DCHS1: variants seen among roughly 807,000 people sequenced by gnomAD.
The protein encoded by DCHS1 is protocadherin-16.
In DCHS1, 78 loss-of-function variants were observed where a neutral mutation model predicts 213.9. The ratio of observed to expected loss-of-function variants is 0.36; its 90% CI spans 0.30 to 0.44. DCHS1 has a LOEUF of 0.44. Among genes scored for constraint, DCHS1 ranks in the 20% least tolerant of loss-of-function variants. DCHS1 has a pLI of 1.00. For missense variants in DCHS1, 3,946 were observed against 4,395.9 expected (o/e 0.90, Z 2.89); for synonymous variants, 1,828 against 1,873.7 (o/e 0.98, Z 0.63).
At chr11:6,637,310 C>T (rs776442648) in intron 2 of DCHS1, among the ~76,000 whole-genome samples, 1 of 152,160 alleles carries the variant, frequency 6.6e-6, no homozygotes, top group African/African-American at 2.4e-5. Flanking sequence ...CATTCTCAGC[C>T]TCTACCCACT....
chr11:6,650,912 AG>A (rs1386072048), intron 1 of DCHS1, among the ~76,000 whole-genome samples: 5 of 152,212 alleles, frequency 3.3e-5, no homozygotes, highest in Non-Finnish European at 7.3e-5. Flanking sequence ...ATTGTAGGTG[AG>A]GGGAGTGGAA....
intron 1 of DCHS1, among the ~76,000 whole-genome samples, chr11:6,654,512 T>A (rs1489322871): frequency 1.3e-5 from 2 of 152,116 alleles, no homozygotes; most frequent in Non-Finnish European, 2.9e-5. Context: ...AATGAACCGG[T>A]GGGAGTATGT....
At position 6,623,888 on chromosome 11, in the gene DCHS1, A is replaced by G. The variant is rs1164302612; in HGVS notation, c.7788T>C (p.Asn2596=). 1.9e-6 allele frequency: 3 copies of G among 1,610,702 alleles called. No individual in the cohort carries two copies. Among genetic ancestry groups the G allele is most frequent in the Admixed American group, 1.7e-5 (1 of 59,900 alleles). ...CTCGGGTAAAGACAGGTGGGTTGTC[A>G]TTGACATCTAGTACAGTGACAGTGA... ...VPVTVTVLDV[N]DNPPVFTRAS... The change falls in exon 21 of 21, where the codon AAT becomes AAC. Residue 2596 remains asparagine, a synonymous_variant. Coordinates refer to ENST00000299441, the MANE Select transcript of DCHS1 (RefSeq NM_003737.4).
intron 1 of DCHS1, among the ~76,000 whole-genome samples, chr11:6,654,576 G>A (rs2134665835): frequency 6.6e-6 from 1 of 152,198 alleles, no homozygotes; most frequent in South Asian, 2.1e-4. Flanking sequence ...ATTTTCCGTA[G>A]GTGTGTGTTG....
At chr11:6,647,755 T>A (rs532195703) in intron 1 of DCHS1, among the ~76,000 whole-genome samples, 1 of 152,116 alleles carries the variant, frequency 6.6e-6, no homozygotes, top group African/African-American at 2.4e-5. Context: ...TGCCTGAGAT[T>A]CAGGGAGGAG....
chr11:6,641,293 C>T lies in DCHS1; in HGVS notation c.321G>A (p.Leu107=). The change falls in exon 2 of 21, where the codon TTG becomes TTA. Residue 107 remains leucine (L), a synonymous_variant. Transcript: ENST00000299441. This position sits in a 1 kb window ranked among gnomAD's most constrained non-coding sequence, Gnocchi z 7.1. The part of the protein sequence containing the change: ...HSGVVRTARV[L]DREQRDRYRF... The stretch of plus-strand genomic sequence containing the variant: ...GGTAGCGGTCCCGCTGCTCACGGTC[C>T]AAGACACGGGCTGTACGGACGACCC... 1.2e-6 allele frequency: 2 copies of T among 1,613,724 alleles called. No homozygotes were observed. The highest frequency in any genetic ancestry group is 1.7e-6 in the Non-Finnish European group (2 of 1,179,886).
rs746198234 is a variant in DCHS1 at position 6,623,023 on chromosome 11, C to G, written c.8653G>C (p.Gly2885Arg). 1.3e-6 allele frequency: 2 copies of G among 1,574,032 alleles called. No homozygotes were observed. The highest frequency in any genetic ancestry group is 2.4e-5 in the East Asian group (1 of 42,286). ...RAPGSGTATS[G>R]GGGRTRREAP... ...TCCCGCCGGGTCCGGCCCCCACCCC[C>G]AGAGGTGGCTGTTCCGCTGCCTGGT... is the stretch of plus-strand genomic sequence containing the variant. The change falls in exon 21 of 21, where the codon GGG (glycine) becomes CGG (arginine). Residue 2885 changes from glycine (G) to arginine (R), a missense_variant. Gly to Arg is a moderately radical substitution (Grantham distance 125). This residue lies in a region of DCHS1 where 554 missense variants were observed against 590.2 expected (regional missense o/e 0.94). Coordinates refer to ENST00000299441, the MANE Select transcript of DCHS1 (RefSeq NM_003737.4).
Position 6,625,499 on chromosome 11 carries a change from A to G in DCHS1, c.6863-18T>C. 2 of 1,606,784 alleles carry G rather than the reference A, an allele frequency of 1.2e-6. No individual in the cohort carries two copies. The highest frequency in any genetic ancestry group is 1.7e-6 in the Non-Finnish European group (2 of 1,177,690). On this transcript the variant is annotated intron_variant, in intron 18 of 20. Coordinates refer to ENST00000299441, the MANE Select transcript of DCHS1 (RefSeq NM_003737.4). The surrounding 1 kb of genome is among the most constrained non-coding windows in gnomAD (Gnocchi z 5.3). ...TAACGCATCTGGAATACATGAGACTAGTGTGTTTGGCAATGGACACAGCCC... is the reference window on the plus strand; with the variant it reads ...TAACGCATCTGGAATACATGAGACTGGTGTGTTTGGCAATGGACACAGCCC...
At position 6,627,734 on chromosome 11, in the gene DCHS1, C is replaced by T. The variant is rs1589954778; in HGVS notation, c.5372-67G>A. 2.0e-6 allele frequency: 3 copies of T among 1,518,636 alleles called. No individual in the cohort carries two copies. Among genetic ancestry groups the T allele is most frequent in the African/African-American group, 2.8e-5 (2 of 72,502 alleles). 94.1% of individuals were successfully genotyped at this position (1,518,636 alleles called of 1,614,324 possible). The stretch of plus-strand genomic sequence containing the variant: ...GGGGATGGGGGTGATTTACAGACAA[C>T]AGGAGAGAGTGAGCATGTGCACAAA... On this transcript the variant is annotated intron_variant, in intron 13 of 20. Transcript: ENST00000299441. This position sits in a 1 kb window ranked among gnomAD's most constrained non-coding sequence, Gnocchi z 5.4.
rs1856306713 is a variant in DCHS1, at chr11:6,655,712, C to A, written c.-270G>T. 3 of 980,738 alleles carry A rather than the reference C, an allele frequency of 3.1e-6. No individual in the cohort carries two copies. The highest frequency in any genetic ancestry group is 3.6e-6 in the Non-Finnish European group (3 of 828,018). The allele number at this position is 980,738 out of a possible 1,614,324, so 60.8% of individuals were successfully genotyped here. A position where few individuals can be genotyped will look rare whatever the true frequency, so the allele number is the denominator to read the frequency against. On this transcript the variant is annotated 5_prime_UTR_variant, in exon 1 of 21. Transcript: ENST00000299441. ...GCCCGCGATCCCCTCCGGGCAGCCG[C>A]CGTCGGTCCGCGCGCCCTTGGCCGT...
rs762334584 is a variant in DCHS1 at position 6,640,177 on chromosome 11, AGGTCG to A, written c.1432_1436del (p.Arg478Ter). On this transcript the variant is annotated frameshift_variant, in exon 2 of 21. Coordinates refer to ENST00000299441, the MANE Select transcript of DCHS1 (RefSeq NM_003737.4). LOFTEE classifies it high-confidence loss of function. This position sits in a 1 kb window ranked among gnomAD's most constrained non-coding sequence, Gnocchi z 6.5. ...GCAGCGCAACCTCAGGCAGGGGCTC[AGGTCG>A]GTAGAGCTGGCGGTCAAAGGCAGGT... 1 of 1,613,776 alleles carries A rather than the reference AGGTCG, an allele frequency of 6.2e-7. No homozygotes were observed. The highest frequency in any genetic ancestry group is 8.5e-7 in the Non-Finnish European group (1 of 1,179,792).
Position 6,630,437 on chromosome 11 carries a change from C to G in DCHS1, c.4357G>C (p.Ala1453Pro). Residue 1453 changes from alanine to proline, a missense_variant, in exon 10 of 21, where the codon GCA becomes CCA. Transcript: ENST00000299441. ...LALPENPEPG[A>P]ALYTFRASDA... ...GACGCGCGGAAAGTGTACAGCGCTG[C>G]GCCGGGCTCCGGGTTCTCTGGCAGC... 6.7e-7 allele frequency: 1 copy of G among 1,503,556 alleles called. No homozygotes were observed. Among genetic ancestry groups the G allele is most frequent in the South Asian group, 1.2e-5 (1 of 82,642 alleles). 93.1% of individuals were successfully genotyped at this position (1,503,556 alleles called of 1,614,324 possible). A position where few individuals can be genotyped will look rare whatever the true frequency, so the allele number is the denominator to read the frequency against.
At chr11:6,645,013 A>T (rs1405907246) in intron 1 of DCHS1, among the ~76,000 whole-genome samples, 1 of 152,212 alleles carries the variant, frequency 6.6e-6, no homozygotes, top group African/African-American at 2.4e-5. Flanking sequence ...ACTGGGTTTG[A>T]GCCCCAGGCT....
rs184586428 is a variant in DCHS1 at position 6,630,722 on chromosome 11, C to T, written c.4072G>A (p.Glu1358Lys). The T allele has an allele frequency of 3.0e-3, 4,564 of 1,543,990 alleles. 6 individuals carry two copies. Among genetic ancestry groups the T allele is most frequent in the Non-Finnish European group, 3.4e-3 (3,876 of 1,147,556 alleles). Residue 1358 changes from glutamate to lysine, a missense_variant, in exon 10 of 21, where the codon GAG becomes AAG. Glu to Lys is a moderately conservative substitution (Grantham distance 56). Coordinates refer to ENST00000299441, the MANE Select transcript of DCHS1 (RefSeq NM_003737.4). ...GSLLGSVAAP[E>K]PAGVGALTYT... ...GTGAGTGCACCCACACCCGCGGGCT[C>T]TGGCGCTGCCACCGAGCCCAACAGA...
chr11:6,639,708 A>G (rs1856035916), intron 2 of DCHS1, 109 bp downstream of exon 2: 4 of 941,386 alleles, frequency 4.2e-6, no homozygotes, highest in East Asian at 2.6e-5. Context: ...ACCCTCTAGC[A>G]TAAGTCACCA....
In DCHS1 at chr11:6,621,904, G is replaced by A; in HGVS notation, c.9772C>T (p.Leu3258=). 2 of 1,613,168 alleles carry A rather than the reference G, an allele frequency of 1.2e-6. No homozygotes were observed. The highest frequency in any genetic ancestry group is 1.7e-5 in the Admixed American group (1 of 59,938). ...GGTGAGCGAGCAGCCAGAGGAGACA[G>A]AGAGGGTGAGAAGCTGGGGGACATG... is the stretch of plus-strand genomic sequence containing the variant. ...AAMSPSFSPS[L]SPLAARSPVV... is the part of the protein sequence containing the mutation. The change falls in exon 21 of 21, where the codon CTG becomes TTG. Residue 3258 remains leucine (L), a synonymous_variant. Transcript: ENST00000299441.
chr11:6,634,684 C>G (rs1182424120), intron 2 of DCHS1, among the ~76,000 whole-genome samples: 3 of 152,220 alleles, frequency 2.0e-5, no homozygotes, highest in African/African-American at 7.2e-5. Flanking sequence ...CACATCACAG[C>G]CTTCTTGTAC....
In DCHS1 at chr11:6,640,904, G is replaced by C. The variant is rs769380266; in HGVS notation, c.710C>G (p.Ala237Gly). The change falls in exon 2 of 21, where the codon GCC (alanine) becomes GGC (glycine). Residue 237 changes from alanine (A) to glycine (G), a missense_variant. Coordinates refer to ENST00000299441, the MANE Select transcript of DCHS1 (RefSeq NM_003737.4). This position sits in a 1 kb window ranked among gnomAD's most constrained non-coding sequence, Gnocchi z 6.5. ...AYDGGSPPRR[A>G]QALLDVTLLD... The stretch of plus-strand genomic sequence containing the variant: ...CAGTGTCACGTCCAGCAGGGCCTGG[G>C]CCCTCCGGGGGGGTGAACCACCATC... The C allele has an allele frequency of 4.3e-6, 7 of 1,613,932 alleles. No homozygotes were observed. Among genetic ancestry groups the C allele is most frequent in the Admixed American group, 3.3e-5 (2 of 60,014 alleles).
In DCHS1 at chr11:6,621,729, C is replaced by T. The variant is rs530647625; in HGVS notation, c.*50G>A. ...CAGGGCAGGCTCAGAGTGGGGCCTG[C>T]GTTGGGGACACTGTGCGCATCCCAG... On this transcript the variant is annotated 3_prime_UTR_variant, in exon 21 of 21. Coordinates refer to ENST00000299441, the MANE Select transcript of DCHS1 (RefSeq NM_003737.4). 217 of 1,538,378 alleles carry T rather than the reference C, an allele frequency of 1.4e-4. 1 individual carries two copies. The South Asian group carries it at 2.0e-3, about 14-fold the overall frequency.
Sources: gnomAD v4.1 joint callset for allele counts (sites outside exome capture counted in the v4.1 genomes callset) on GRCh38, gnomAD v4.1.1 for gene constraint, gnomAD v4.1.1 regional missense constraint, Gnocchi (gnomAD v3.1) non-coding constraint, MANE v1.5 for transcripts, NCBI Gene and HGNC (gene_info 2026-07-23, HGNC 2026-07-21) for gene names.